CES1: variants seen among roughly 807,000 people sequenced by gnomAD.
CES1 encodes the protein carboxylesterase 1, also known as liver carboxylesterase 1.
CES1 carries 50 observed loss-of-function variants against 53.0 expected under a neutral mutation model. The observed-to-expected ratio is 0.94, with a 90% CI of 0.75 to 1.19. The LOEUF (loss-of-function observed/expected upper bound fraction) is 1.19. Among genes scored for constraint, CES1 ranks in the 50% most tolerant of loss-of-function variants. The pLI is 0.00. For synonymous variants in CES1, 202 were observed against 210.1 expected (o/e 0.96, Z 0.33); for missense variants, 534 against 538.0 (o/e 0.99, Z 0.07).
At chr16:55,823,524 G>A in intron 4 of CES1, 26 bp downstream of exon 4, 1 of 1,610,304 alleles carries the variant, frequency 6.2e-7, no homozygotes, top group Non-Finnish European at 8.5e-7. Context: ...GGGCCAAAGT[G>A]CAGTGAGGAG....
intron 2 of CES1, 47 bp from the exon 3 acceptor site, chr16:55,826,342 C>G (rs747454288): frequency 6.2e-7 from 1 of 1,612,340 alleles, no homozygotes; most frequent in Non-Finnish European, 8.5e-7. Context: ...CAGATCTAAG[C>G]GAGGTGTTTT....
At chr16:55,812,871 T>G in intron 9 of CES1, 32 bp downstream of exon 9, 1 of 1,613,348 alleles carries the variant, frequency 6.2e-7, no homozygotes, top group South Asian at 1.1e-5. Flanking sequence ...TGGGGGTGGT[T>G]GAGTCCCTCC....
At chr16:55,831,801 C>G (rs1258962756) in intron 1 of CES1, among the ~76,000 whole-genome samples, 2 of 151,688 alleles carry the variant, frequency 1.3e-5, no homozygotes, top group African/African-American at 4.8e-5. Flanking sequence ...GGATTCAGGA[C>G]CCAGAGACAG....
chr16:55,820,887 C>T (rs1206136141), intron 5 of CES1, among the ~76,000 whole-genome samples: 1 of 152,170 alleles, frequency 6.6e-6, no homozygotes, highest in African/African-American at 2.4e-5. Context: ...CATCAGACCA[C>T]CCCAGAGGAA....
chr16:55,809,596 G>A (rs59491445), intron 11 of CES1, among the ~76,000 whole-genome samples: 5,497 of 152,208 alleles, frequency 0.036, 315 homozygotes, highest in African/African-American at 0.12. Flanking sequence ...GTGGTAGCAG[G>A]TCCTGCATAG....
rs746401109 is a variant in CES1 at position 55,828,772 on chromosome 16, A to T, written c.255T>A (p.Pro85=). 13 of 1,614,272 alleles carry T rather than the reference A, an allele frequency of 8.1e-6. No homozygotes were observed. Among genetic ancestry groups the T allele is most frequent in the Middle Eastern group, 1.7e-4 (1 of 6,058 alleles). Residue 85 remains proline, a synonymous_variant, in exon 2 of 14, where the codon CCT becomes CCA. Coordinates refer to ENST00000360526, the MANE Select transcript of CES1 (RefSeq NM_001025195.2). Reference sequence around the variant, plus strand: ...GGACACATGCCGCAGCTTACATAGGAGGGTACGAGGTGGCATTCTTCACAA... The same window carrying T: ...GGACACATGCCGCAGCTTACATAGGTGGGTACGAGGTGGCATTCTTCACAA... The part of the protein sequence containing the change: ...WSFVKNATSY[P]PMCTQDPKAG...
chr16:55,812,549 A>C (rs1426775880), intron 9 of CES1: 1 of 368,140 alleles, frequency 2.7e-6, no homozygotes, highest in Non-Finnish European at 5.2e-6. Flanking sequence ...GTGGGAAGCC[A>C]GGAAGCCCCC....
In CES1 at chr16:55,810,704, C is replaced by T. The variant is rs575088051; in HGVS notation, c.1171-40G>A. ...AAAGTGACCACCAGCCCCGGGTGAG[C>T]GATGCAGCTTCTCCAGCCCACCAGA... is the stretch of plus-strand genomic sequence containing the variant. On this transcript the variant is annotated intron_variant, in intron 10 of 13. Coordinates refer to ENST00000360526, the MANE Select transcript of CES1 (RefSeq NM_001025195.2). The T allele has an allele frequency of 3.5e-5, 56 of 1,612,068 alleles. 1 individual carries two copies. The highest frequency in any genetic ancestry group is 1.2e-4 in the African/African-American group (9 of 74,968).
chr16:55,810,434 G>A, intron 11 of CES1, 83 bp downstream of exon 11: 1 of 1,559,882 alleles, frequency 6.4e-7, no homozygotes, highest in Non-Finnish European at 8.8e-7. Flanking sequence ...CTGTTTCCAT[G>A]TCTGTCTATG....
chr16:55,819,915 T>C lies in CES1; in HGVS notation c.802-276A>G, dbSNP rs2032103093. The stretch of plus-strand genomic sequence containing the variant: ...ATCTCAAGGTGAATGTGTCAAGAAA[T>C]GTGAGGTGGAGCTGGGATAGAGAGC... On this transcript the variant is annotated intron_variant, in intron 6 of 13. Coordinates refer to ENST00000360526, the MANE Select transcript of CES1 (RefSeq NM_001025195.2). The C allele has an allele frequency of 1.5e-5, 9 of 582,802 alleles. No individual in the cohort carries two copies. The South Asian group carries it at 1.7e-4, about 11-fold the overall frequency. The allele number at this position is 582,802 out of a possible 1,614,324, so 36.1% of individuals were successfully genotyped here. A position where few individuals can be genotyped will look rare whatever the true frequency, so the allele number is the denominator to read the frequency against.
intron 6 of CES1, 114 bp from the exon 7 acceptor site, chr16:55,819,753 G>A (rs1441685030): frequency 1.1e-6 from 1 of 909,940 alleles, no homozygotes; most frequent in African/African-American, 1.7e-5. Context: ...GGGAGCAGCA[G>A]AAGATACTGT....
At position 55,832,975 on chromosome 16, in the gene CES1, C is replaced by A. The variant is rs200161706; in HGVS notation, c.52+29G>T. Reference sequence around the variant, plus strand: ...CCCAGAACAAGGATTTCAAAAAGTGCCCCGCATTTTGATTTCAGAAGGACT... The same window carrying A: ...CCCAGAACAAGGATTTCAAAAAGTGACCCGCATTTTGATTTCAGAAGGACT... On this transcript the variant is annotated intron_variant, in intron 1 of 13. Coordinates refer to ENST00000360526, the MANE Select transcript of CES1 (RefSeq NM_001025195.2). The A allele has an allele frequency of 1.9e-3, 2,808 of 1,462,512 alleles. 147 individuals carry two copies. Among genetic ancestry groups the A allele is most frequent in the Admixed American group, 2.9e-3 (156 of 53,866 alleles). The allele number at this position is 1,462,512 out of a possible 1,614,324, so 90.6% of individuals were successfully genotyped here.
At chr16:55,829,161 T>G (rs3826180) in intron 1 of CES1, among the ~76,000 whole-genome samples, 187 bp from the exon 2 acceptor site, 3 of 151,994 alleles carry the variant, frequency 2.0e-5, no homozygotes, top group Non-Finnish European at 2.9e-5. Context: ...GCTGGTTTAA[T>G]GGGCAAACTA....
At chr16:55,811,712 C>T (rs2031705986) in intron 9 of CES1, among the ~76,000 whole-genome samples, 1 of 152,220 alleles carries the variant, frequency 6.6e-6, no homozygotes, top group African/African-American at 2.4e-5. Flanking sequence ...CCGAACCCAA[C>T]TAGAGCAGTT....
intron 8 of CES1, 96 bp from the exon 9 acceptor site, chr16:55,813,139 C>T (rs3859093): frequency 0.77 from 1,166,332 of 1,514,630 alleles, 457,502 homozygotes; most frequent in Non-Finnish European, 0.82. Flanking sequence ...TACCATAGAC[C>T]GGCATGGCCA....
At chr16:55,813,099 C>T in intron 8 of CES1, 56 bp from the exon 9 acceptor site, 1 of 1,610,078 alleles carries the variant, frequency 6.2e-7, no homozygotes, top group South Asian at 1.1e-5. Flanking sequence ...ACCCATGTCC[C>T]CAACTCTGCC....
intron 8 of CES1, among the ~76,000 whole-genome samples, chr16:55,813,602 G>A (rs570859714): frequency 2.6e-5 from 4 of 152,182 alleles, no homozygotes; most frequent in Non-Finnish European, 4.4e-5. Flanking sequence ...GTATGAATCG[G>A]CCAATTTCCT....
chr16:55,829,722 G>C (rs560622075), intron 1 of CES1, among the ~76,000 whole-genome samples: 1 of 152,238 alleles, frequency 6.6e-6, no homozygotes, highest in African/African-American at 2.4e-5. Context: ...CAGGCTAAGC[G>C]CTTGAGTTTT....
chr16:55,825,280 C>T (rs75990781), intron 3 of CES1, among the ~76,000 whole-genome samples: 4 of 152,196 alleles, frequency 2.6e-5, no homozygotes, highest in Admixed American at 1.3e-4. Flanking sequence ...GTTCCACGTT[C>T]GCAGACCTGC....
Sources: gnomAD v4.1 joint callset for allele counts (sites outside exome capture counted in the v4.1 genomes callset) on GRCh38, gnomAD v4.1.1 for gene constraint, MANE v1.5 for transcripts, NCBI Gene and HGNC (gene_info 2026-07-23, HGNC 2026-07-21) for gene names.